The following MYO5C variants were observed in gnomAD, a reference collection of about 807,000 sequenced individuals.
MYO5C encodes the protein myosin VC, also known as unconventional myosin-Vc.
MYO5C carries 194 observed loss-of-function variants against 235.7 expected under a neutral mutation model. The ratio of observed to expected loss-of-function variants is 0.82; its 90% CI spans 0.73 to 0.93. MYO5C has a LOEUF of 0.93. Ranked by LOEUF, MYO5C falls within the 40% of genes least tolerant of loss-of-function variation. MYO5C has a pLI of 0.00. For synonymous variants in MYO5C, 707 were observed against 754.8 expected, an observed-to-expected ratio of 0.94 and a Z score of 1.04; for missense variants, 2,038 against 2,127.2, an observed-to-expected ratio of 0.96 and a Z score of 0.82.
intron 4 of MYO5C, chr15:52,277,935 G>T: frequency 2.2e-6 from 1 of 456,046 alleles, no homozygotes; most frequent in Non-Finnish European, 4.4e-6. Flanking sequence ...AAGACATAAA[G>T]CGGAGGGAGC....
At chr15:52,266,612 G>A (rs2036817031) in intron 8 of MYO5C, among the ~76,000 whole-genome samples, 1 of 152,112 alleles carries the variant, frequency 6.6e-6, no homozygotes, top group Non-Finnish European at 1.5e-5. Flanking sequence ...TCCTAGTATT[G>A]TTCCCATCTC....
intron 11 of MYO5C, 52 bp downstream of exon 11, chr15:52,256,587 A>ACGCGCGCGCGCACGCGCGCG (rs1555417653): frequency 6.5e-5 from 37 of 567,794 alleles, no homozygotes; most frequent in African/African-American, 5.9e-4. Context: ...ACACACACAC[A>ACGCGCGCGCGCACGCGCGCG]CGCGCGCGCG....
At chr15:52,291,731 GT>G (rs1196328559) in intron 1 of MYO5C, among the ~76,000 whole-genome samples, 528 of 52,548 alleles carry the variant, frequency 0.01, 4 homozygotes, top group African/African-American at 0.037. Context: ...CATATTTTAT[GT>G]TTTTTTTTTT....
chr15:52,204,268 C>T (rs1384113653), intron 38 of MYO5C, among the ~76,000 whole-genome samples: 2 of 151,812 alleles, frequency 1.3e-5, no homozygotes, highest in East Asian at 3.9e-4. Flanking sequence ...GCTTACTCCA[C>T]ATGCAGCCTG....
At chr15:52,227,015 G>A (rs963368679) in intron 25 of MYO5C, among the ~76,000 whole-genome samples, 7 of 151,714 alleles carry the variant, frequency 4.6e-5, no homozygotes, top group African/African-American at 1.7e-4. Context: ...AGCCAGGTGT[G>A]GTGGCAGATG....
At chr15:52,228,491 A>AT (rs1160778700) in intron 25 of MYO5C, among the ~76,000 whole-genome samples, 7 of 152,160 alleles carry the variant, frequency 4.6e-5, no homozygotes, top group African/African-American at 1.2e-4. Flanking sequence ...ATTCTATGTG[A>AT]TTTTTCCTTC....
chr15:52,246,125 A>G, intron 16 of MYO5C, 83 bp from the exon 17 acceptor site: 2 of 1,070,660 alleles, frequency 1.9e-6, no homozygotes, highest in Non-Finnish European at 2.9e-6. Context: ...ACCTGGCTAG[A>G]CTGTGACCCT....
chr15:52,217,890 G>A (rs964790773), intron 32 of MYO5C, among the ~76,000 whole-genome samples: 10 of 152,042 alleles, frequency 6.6e-5, no homozygotes, highest in African/African-American at 2.4e-4. Flanking sequence ...GGCCCGAGAG[G>A]GTCCCAGCTC....
intron 1 of MYO5C, among the ~76,000 whole-genome samples, chr15:52,285,141 G>GT (rs566837362): frequency 6.7e-4 from 102 of 152,304 alleles, no homozygotes; most frequent in African/African-American, 2.4e-3. Flanking sequence ...ACCCAGGTGG[G>GT]TGGATCACCT....
At chr15:52,259,943 G>T (rs79853333) in intron 10 of MYO5C, among the ~76,000 whole-genome samples, 2,938 of 152,336 alleles carry the variant, frequency 0.019, 103 homozygotes, top group South Asian at 0.15. Flanking sequence ...TTGCCATGGT[G>T]TGGGGAAGAT....
At chr15:52,277,895 G>A in intron 4 of MYO5C, 1 of 455,998 alleles carries the variant, frequency 2.2e-6, no homozygotes, top group South Asian at 1.5e-5. Context: ...ACCAGGAATG[G>A]GTGCCCTCTG....
chr15:52,239,923 C>T (rs2141316969), intron 20 of MYO5C, 44 bp from the exon 21 acceptor site: 2 of 1,571,778 alleles, frequency 1.3e-6, no homozygotes, highest in Middle Eastern at 1.7e-4. Context: ...ATCCCAAGTG[C>T]TTCTCTAACC....
chr15:52,193,973 G>A lies in MYO5C; in HGVS notation c.5158C>T (p.Pro1720Ser), dbSNP rs750808692. 10 of 1,613,588 alleles carry A rather than the reference G, an allele frequency of 6.2e-6. No homozygotes were observed. The South Asian group carries it at 6.6e-5, about 11-fold the overall frequency. The part of the protein sequence containing the change: ...YLFQVTFPFT[P>S]SPHALEMIQI... ...ATCATTTCCAGAGCATGTGGAGAGG[G>A]GGTAAAAGGAAATGTGACTTGAAAG... The change falls in exon 41 of 41, where the codon CCC becomes TCC. Residue 1720 changes from proline (P) to serine (S), a missense_variant. Coordinates refer to ENST00000261839, the MANE Select transcript of MYO5C (RefSeq NM_018728.4).
At chr15:52,212,522 C>T (rs933645173) in intron 34 of MYO5C, among the ~76,000 whole-genome samples, 5 of 152,136 alleles carry the variant, frequency 3.3e-5, no homozygotes, top group African/African-American at 7.2e-5. Context: ...GGGGGTCACT[C>T]GCAGAAGAGG....
chr15:52,230,494 C>T (rs2035922789), intron 24 of MYO5C, among the ~76,000 whole-genome samples: 1 of 151,510 alleles, frequency 6.6e-6, no homozygotes, highest in African/African-American at 2.4e-5. Context: ...CTGCAACCTC[C>T]GCCCCCCGGG....
chr15:52,204,842 G>A (rs762850059), intron 38 of MYO5C, 23 bp downstream of exon 38: 244 of 1,609,342 alleles, frequency 1.5e-4, no homozygotes, highest in Non-Finnish European at 2.0e-4. Flanking sequence ...CTCTCCGCGT[G>A]AGCGGAGGTT....
At position 52,260,893 on chromosome 15, in the gene MYO5C, G is replaced by A. The variant is rs2036679271; in HGVS notation, c.1282C>T (p.His428Tyr). Residue 428 changes from histidine to tyrosine, a missense_variant, in exon 10 of 41, where the codon CAC becomes TAC. Coordinates refer to ENST00000261839, the MANE Select transcript of MYO5C (RefSeq NM_018728.4). ...NQALQFSGKQ[H>Y]TFIGVLDIYG... is the part of the protein sequence containing the mutation. ...ATGTCCAAAACACCAATAAAAGTGT[G>A]CTGCTTGCCTGAAAACTGCAACGCT... 3 of 1,614,096 alleles carry A rather than the reference G, an allele frequency of 1.9e-6. No individual in the cohort carries two copies. The highest frequency in any genetic ancestry group is 1.7e-5 in the Admixed American group (1 of 60,002).
chr15:52,295,321 T>G (rs1162808855), intron 1 of MYO5C, among the ~76,000 whole-genome samples: 1 of 152,034 alleles, frequency 6.6e-6, no homozygotes, highest in East Asian at 1.9e-4. Flanking sequence ...GGGCGGCCCC[T>G]CCCACAGGGT....
chr15:52,278,171 G>C (rs1443961725), intron 4 of MYO5C: 7 of 335,050 alleles, frequency 2.1e-5, no homozygotes, highest in Non-Finnish European at 4.1e-5. Context: ...ATACTTTACA[G>C]ATGAAGACAC....
Sources: allele counts gnomAD v4.1 joint callset (sites outside exome capture counted in the v4.1 genomes callset), GRCh38; gene constraint gnomAD v4.1.1; transcripts MANE v1.5; gene names NCBI Gene and HGNC (gene_info 2026-07-23, HGNC 2026-07-21).